IL1RAPL2: variants seen among roughly 807,000 people sequenced by gnomAD.
IL1RAPL2 encodes the protein interleukin 1 receptor accessory protein like 2, also known as X-linked interleukin-1 receptor accessory protein-like 2.
Under a neutral mutation model 44.1 loss-of-function variants are expected in IL1RAPL2, and 3 were observed. The ratio of observed to expected loss-of-function variants is 0.07; its 90% CI spans 0.03 to 0.18. IL1RAPL2 has a LOEUF of 0.18. Ranked by LOEUF, IL1RAPL2 falls within the 10% of genes least tolerant of loss-of-function variation. The pLI, the probability that IL1RAPL2 is intolerant of heterozygous loss-of-function variation, is 1.00. For synonymous variants in IL1RAPL2, 181 were observed against 178.8 expected (o/e 1.01, Z -0.10); for missense variants, 391 against 496.4 (o/e 0.79, Z 2.02).
chrX:104,583,645 A>G (rs763673327), intron 1 of IL1RAPL2, among the ~76,000 whole-genome samples: 14 of 111,798 alleles, frequency 1.3e-4, no homozygotes, highest in Non-Finnish European at 1.9e-4. Context: ...CCATTCATCA[A>G]TTGGTAGACA....
At chrX:104,964,301 T>C (rs2147717675) in intron 2 of IL1RAPL2, among the ~76,000 whole-genome samples, 1 of 107,025 alleles carries the variant, frequency 9.3e-6, no homozygotes, top group Non-Finnish European at 1.9e-5. Flanking sequence ...TATTTATTTA[T>C]TTATTTATTT....
intron 6 of IL1RAPL2, among the ~76,000 whole-genome samples, chrX:105,616,780 G>A (rs999080134): frequency 2.7e-5 from 3 of 110,114 alleles, no homozygotes; most frequent in African/African-American, 9.9e-5. Context: ...TTTTACTTTC[G>A]ATAAAGTCCA....
rs547513583 is a variant in IL1RAPL2 at position 105,459,237 on chromosome X, A to C, written c.698-25076A>C. ...AAACACTTTAGTTCAACATAGAATA[A>C]ATGTGTGTTTGTGTGCATGTGTGTG... On this transcript the variant is annotated intron_variant, in intron 5 of 10. Transcript: ENST00000372582. Among the ~76,000 whole-genome samples, 14 of 110,298 alleles carry C rather than the reference A, an allele frequency of 1.3e-4. No homozygotes were observed. In the South Asian group the frequency reaches 4.6e-3, roughly 37 times the overall value.
intron 2 of IL1RAPL2, among the ~76,000 whole-genome samples, chrX:104,810,355 G>A (rs993691202): frequency 5.4e-5 from 6 of 110,446 alleles, no homozygotes; most frequent in African/African-American, 2.0e-4. Flanking sequence ...CATGTCACAT[G>A]TATACATATG....
At chrX:104,583,035 GTGCCACCA>G (rs1928442656) in intron 1 of IL1RAPL2, among the ~76,000 whole-genome samples, 1 of 107,136 alleles carries the variant, frequency 9.3e-6, no homozygotes, top group Non-Finnish European at 1.9e-5. Flanking sequence ...TTACAAGCAT[GTGCCACCA>G]TGCCTGGCTA....
At chrX:105,327,102 T>C (rs1200944944) in intron 5 of IL1RAPL2, among the ~76,000 whole-genome samples, 3 of 111,927 alleles carry the variant, frequency 2.7e-5, no homozygotes, top group Non-Finnish European at 5.6e-5. Flanking sequence ...TGATAATCTT[T>C]AAGCCAAAGT....
chrX:104,897,576 A>T (rs1398926666), intron 2 of IL1RAPL2, among the ~76,000 whole-genome samples: 2 of 112,424 alleles, frequency 1.8e-5, no homozygotes, highest in Non-Finnish European at 3.8e-5. Context: ...ATTATCAAAC[A>T]ATTTGTGACC....
intron 1 of IL1RAPL2, among the ~76,000 whole-genome samples, chrX:104,638,309 C>A (rs1373252282): frequency 9.0e-6 from 1 of 111,061 alleles, no homozygotes; most frequent in Non-Finnish European, 1.9e-5. Context: ...AAAAAGCCAA[C>A]TTTTCATTCT....
chrX:104,918,590 G>T (rs1924534939), intron 2 of IL1RAPL2, among the ~76,000 whole-genome samples: 1 of 112,033 alleles, frequency 8.9e-6, no homozygotes, highest in Non-Finnish European at 1.9e-5. Flanking sequence ...ACAACCTATG[G>T]TCTTAACTTC....
chrX:105,438,412 TAGA>T (rs1263859913), intron 5 of IL1RAPL2, among the ~76,000 whole-genome samples: 2 of 107,861 alleles, frequency 1.9e-5, no homozygotes, highest in East Asian at 5.8e-4. Context: ...AGGGAAATAG[TAGA>T]AGGAGGTAAA....
At chrX:105,518,638 C>T (rs988061125) in intron 6 of IL1RAPL2, among the ~76,000 whole-genome samples, 2 of 111,601 alleles carry the variant, frequency 1.8e-5, no homozygotes, top group Non-Finnish European at 3.8e-5. Context: ...TTATCTTCTG[C>T]GAGTCTCTTT....
At position 105,492,446 on chromosome X, in the gene IL1RAPL2, A is replaced by G. The variant is rs112313873; in HGVS notation, c.772+8059A>G. Among the ~76,000 whole-genome samples the G allele has an allele frequency of 3.6e-5, 4 of 110,660 alleles. No homozygotes were observed. In the South Asian group the frequency reaches 1.5e-3, roughly 41 times the overall value. ...TAACAACTATAGTAATTATTATTTAATAACAGCTCTACTATTACAAATAAT... is the reference window on the plus strand; with the variant it reads ...TAACAACTATAGTAATTATTATTTAGTAACAGCTCTACTATTACAAATAAT... On this transcript the variant is annotated intron_variant, in intron 6 of 10. Transcript: ENST00000372582.
At chrX:105,417,200 G>T (rs761865606) in intron 5 of IL1RAPL2, among the ~76,000 whole-genome samples, 10 of 112,607 alleles carry the variant, frequency 8.9e-5, no homozygotes, top group Non-Finnish European at 7.5e-5. Context: ...TAGGCCGGGC[G>T]CAGTGGCTCC....
intron 6 of IL1RAPL2, among the ~76,000 whole-genome samples, chrX:105,670,848 A>G (rs1400859314): frequency 1.8e-5 from 2 of 108,416 alleles, no homozygotes; most frequent in African/African-American, 3.3e-5. Flanking sequence ...ATGATTGTAA[A>G]TGACACTATA....
chrX:104,934,453 CT>C (rs1924981819), intron 2 of IL1RAPL2, among the ~76,000 whole-genome samples: 1 of 111,139 alleles, frequency 9.0e-6, no homozygotes, highest in Non-Finnish European at 1.9e-5. Flanking sequence ...TCAGTGGAGG[CT>C]GCAGAGAACA....
chrX:105,677,985 G>A (rs766464266), intron 6 of IL1RAPL2, among the ~76,000 whole-genome samples: 108 of 111,893 alleles, frequency 9.7e-4, no homozygotes, highest in African/African-American at 3.3e-3. Context: ...AGTGCCAATA[G>A]GGAGTTTATG....
At chrX:104,905,772 G>C (rs1437331097) in intron 2 of IL1RAPL2, among the ~76,000 whole-genome samples, 1 of 111,314 alleles carries the variant, frequency 9.0e-6, no homozygotes, top group Non-Finnish European at 1.9e-5. Context: ...GCTTAGGATT[G>C]ACTTGGCGAT....
Position 105,748,990 on chromosome X carries a change from G to C in IL1RAPL2, c.1079G>C (p.Gly360Ala), listed in dbSNP as rs753530064. ...ATCTATAAAATTGAGCTTGCAGGGG[G>C]CCTGGGAGCAATCTTCCTCCTCCTT... is the stretch of plus-strand genomic sequence containing the variant. ...DLIYKIELAG[G>A]LGAIFLLLVL... is the part of the protein sequence containing the mutation. Residue 360 changes from glycine (G) to alanine (A), a missense_variant, in exon 9 of 11, where the codon GGC becomes GCC. By Grantham distance (60) the Gly-to-Ala change is moderately conservative. This residue lies in a region of IL1RAPL2 where 232 missense variants were observed against 244.8 expected (regional missense o/e 0.95). Coordinates refer to ENST00000372582, the MANE Select transcript of IL1RAPL2 (RefSeq NM_017416.2). The C allele has an allele frequency of 1.8e-5, 22 of 1,207,160 alleles. No individual in the cohort carries two copies. The Admixed American group carries it at 4.6e-4, about 25-fold the overall frequency.
intron 2 of IL1RAPL2, among the ~76,000 whole-genome samples, chrX:104,937,272 T>C (rs1476693499): frequency 1.8e-5 from 2 of 112,152 alleles, no homozygotes; most frequent in Admixed American, 9.5e-5. Flanking sequence ...CTTTGCACAA[T>C]ACAAGATTAC....
Sources: allele counts gnomAD v4.1 joint callset (sites outside exome capture counted in the v4.1 genomes callset), GRCh38; gene constraint gnomAD v4.1.1; regional missense constraint gnomAD v4.1.1; transcripts MANE v1.5; gene names NCBI Gene and HGNC (gene_info 2026-07-23, HGNC 2026-07-21).